Variants in CRACR2A observed in about 807,000 individuals in gnomAD.
The protein encoded by CRACR2A is EF-hand calcium-binding domain-containing protein 4B.
A neutral mutation model predicts 90.5 loss-of-function variants in CRACR2A; 79 were observed. The ratio of observed to expected loss-of-function variants is 0.87; its 90% CI spans 0.73 to 1.05. The LOEUF (loss-of-function observed/expected upper bound fraction) is 1.05, where lower values mean the gene tolerates loss of function less well. CRACR2A is among the 50% of genes least tolerant of loss of function. CRACR2A has a pLI of 0.00. For missense variants in CRACR2A, 823 were observed against 897.2 expected (o/e 0.92, Z 1.06); for synonymous variants, 338 against 356.7 (o/e 0.95, Z 0.59).
chr12:3,653,645 T>C, intron 10 of CRACR2A, among the ~76,000 whole-genome samples: 1 of 152,164 alleles, frequency 6.6e-6, no homozygotes, highest in African/African-American at 2.4e-5. Context: ...GGTTTCCCCC[T>C]ACTGGGACCA....
At chr12:3,680,385 C>G in intron 4 of CRACR2A, 36 bp from the exon 5 acceptor site, 1 of 1,576,162 alleles carries the variant, frequency 6.3e-7, no homozygotes, top group African/African-American at 1.3e-5. Flanking sequence ...TTAACACTGA[C>G]ACTCACTGGT....
intron 1 of CRACR2A, among the ~76,000 whole-genome samples, chr12:3,743,689 G>A (rs1565510541): frequency 6.6e-6 from 1 of 152,190 alleles, no homozygotes; most frequent in Non-Finnish European, 1.5e-5. Context: ...CACATGGCAG[G>A]CATTTGACAA....
chr12:3,742,191 A>C (rs1012859139), intron 1 of CRACR2A, among the ~76,000 whole-genome samples: 1 of 152,244 alleles, frequency 6.6e-6, no homozygotes, highest in Non-Finnish European at 1.5e-5. Context: ...CAGGCATGAA[A>C]GAATTCAATA....
chr12:3,629,415 G>C (rs1462294903), intron 15 of CRACR2A, among the ~76,000 whole-genome samples: 4 of 152,232 alleles, frequency 2.6e-5, no homozygotes, highest in African/African-American at 9.6e-5. Flanking sequence ...CTGGCTAGAA[G>C]TGGAGGGGCT....
chr12:3,675,539 C>T (rs981326658), intron 6 of CRACR2A, among the ~76,000 whole-genome samples: 5 of 152,170 alleles, frequency 3.3e-5, no homozygotes, highest in Non-Finnish European at 7.3e-5. Context: ...ACTCTGTATG[C>T]TAACTCCCAA....
At chr12:3,724,530 T>C (rs1157529011) in intron 2 of CRACR2A, among the ~76,000 whole-genome samples, 1 of 152,232 alleles carries the variant, frequency 6.6e-6, no homozygotes, top group Non-Finnish European at 1.5e-5. Flanking sequence ...GCTGCTCTCA[T>C]TCCAGCTTGG....
At chr12:3,644,782 G>A in intron 11 of CRACR2A, 142 bp from the exon 12 acceptor site, 1 of 754,690 alleles carries the variant, frequency 1.3e-6, no homozygotes, top group Non-Finnish European at 2.4e-6. Flanking sequence ...CTTCCATAGG[G>A]ATGTGATTAA....
chr12:3,723,921 T>A (rs926365348), intron 2 of CRACR2A, among the ~76,000 whole-genome samples: 1 of 152,178 alleles, frequency 6.6e-6, no homozygotes, highest in Non-Finnish European at 1.5e-5. Context: ...CCTTTAAAGA[T>A]GTTTATTTCC....
At chr12:3,666,188 G>A (rs564047264) in intron 7 of CRACR2A, among the ~76,000 whole-genome samples, 71 of 152,198 alleles carry the variant, frequency 4.7e-4, no homozygotes, top group African/African-American at 1.5e-3. Flanking sequence ...GAGATACTGC[G>A]GATGCCATAA....
At chr12:3,640,520 T>C (rs912860056) in intron 13 of CRACR2A, 5 of 1,216,918 alleles carry the variant, frequency 4.1e-6, no homozygotes, top group South Asian at 1.5e-5. Flanking sequence ...GCTGAATCAA[T>C]CAATCAATCC....
chr12:3,717,111 A>G (rs1946093412), intron 2 of CRACR2A, among the ~76,000 whole-genome samples: 1 of 152,028 alleles, frequency 6.6e-6, no homozygotes, highest in African/African-American at 2.4e-5. Context: ...GGGCTTAGAG[A>G]GTGAATAGGG....
intron 1 of CRACR2A, among the ~76,000 whole-genome samples, chr12:3,738,764 C>T (rs897235278): frequency 1.3e-5 from 2 of 152,022 alleles, no homozygotes; most frequent in African/African-American, 4.8e-5. Context: ...ATTCAAGAAT[C>T]CCAAGAAGAA....
intron 17 of CRACR2A, among the ~76,000 whole-genome samples, chr12:3,625,895 CCAA>C (rs1229220784): frequency 2.6e-5 from 4 of 151,904 alleles, no homozygotes; most frequent in South Asian, 4.2e-4. Flanking sequence ...CTTGGTGCTG[CCAA>C]CAACAACAAC....
chr12:3,707,635 G>T, intron 3 of CRACR2A, among the ~76,000 whole-genome samples: 1 of 152,300 alleles, frequency 6.6e-6, no homozygotes, highest in African/African-American at 2.4e-5. Flanking sequence ...ATATATTAAA[G>T]AAACTGCTAC....
intron 4 of CRACR2A, among the ~76,000 whole-genome samples, chr12:3,693,334 A>G (rs1019051738): frequency 6.6e-6 from 1 of 152,226 alleles, no homozygotes; most frequent in African/African-American, 2.4e-5. Context: ...AAGCGCATCC[A>G]GGCTGGGTCC....
intron 10 of CRACR2A, among the ~76,000 whole-genome samples, chr12:3,651,301 G>A (rs541975688): frequency 6.6e-6 from 1 of 152,364 alleles, no homozygotes; most frequent in African/African-American, 2.4e-5. Flanking sequence ...GTGTGTGCAC[G>A]CACATATATG....
intron 12 of CRACR2A, among the ~76,000 whole-genome samples, chr12:3,644,229 T>A (rs575067576): frequency 2.4e-4 from 36 of 151,900 alleles, no homozygotes; most frequent in African/African-American, 8.4e-4. Flanking sequence ...AAAATTTTCA[T>A]CGAGATAAAA....
chr12:3,666,760 CCTG>C (rs1945158945), intron 7 of CRACR2A, among the ~76,000 whole-genome samples: 1 of 152,196 alleles, frequency 6.6e-6, no homozygotes, highest in Non-Finnish European at 1.5e-5. Flanking sequence ...AGATTTTTTT[CCTG>C]CTTTTTCTCT....
intron 1 of CRACR2A, among the ~76,000 whole-genome samples, chr12:3,750,060 T>C (rs1224493144): frequency 6.6e-6 from 1 of 151,956 alleles, no homozygotes; most frequent in Non-Finnish European, 1.5e-5. Flanking sequence ...CTTGGCCTCC[T>C]GAATAGCTGG....
Sources: gnomAD v4.1 joint callset for allele counts (sites outside exome capture counted in the v4.1 genomes callset) on GRCh38, gnomAD v4.1.1 for gene constraint, MANE v1.5 for transcripts, NCBI Gene and HGNC (gene_info 2026-07-23, HGNC 2026-07-21) for gene names.